CDH18: variants seen among roughly 807,000 people sequenced by gnomAD.
CDH18 encodes the protein cadherin 18.
In CDH18, 31 loss-of-function variants were observed where a neutral mutation model predicts 67.9. The ratio of observed to expected loss-of-function variants is 0.46; its 90% CI spans 0.34 to 0.62. CDH18 has a LOEUF of 0.62. Among genes scored for constraint, CDH18 ranks in the 20% least tolerant of loss-of-function variants. The pLI, the probability that CDH18 is intolerant of heterozygous loss-of-function variation, is 0.01. For missense variants in CDH18, 890 were observed against 975.5 expected (o/e 0.91, Z 1.17); for synonymous variants, 362 against 347.2 (o/e 1.04, Z -0.48).
intron 1 of CDH18, among the ~76,000 whole-genome samples, chr5:20,472,399 T>C (rs980050770): frequency 6.6e-6 from 1 of 152,196 alleles, no homozygotes; most frequent in Non-Finnish European, 1.5e-5. Context: ...TTATGGACTT[T>C]GGGACAATGT....
intron 2 of CDH18, among the ~76,000 whole-genome samples, chr5:19,950,428 C>A (rs1795681918): frequency 6.6e-6 from 1 of 152,028 alleles, no homozygotes; most frequent in African/African-American, 2.4e-5. Flanking sequence ...GTGTACACTG[C>A]TCAGGTGATG....
intron 2 of CDH18, among the ~76,000 whole-genome samples, chr5:19,979,264 T>C (rs1250891559): frequency 6.6e-6 from 1 of 151,544 alleles, no homozygotes; most frequent in African/African-American, 2.4e-5. Context: ...AGAGTGTGTC[T>C]TGGGATAGTT....
intron 8 of CDH18, among the ~76,000 whole-genome samples, chr5:19,548,050 T>G (rs761285271): frequency 6.6e-6 from 1 of 152,136 alleles, no homozygotes; most frequent in Non-Finnish European, 1.5e-5. Flanking sequence ...AATCAAACCA[T>G]TAAAAAGAGA....
At chr5:19,863,366 T>A (rs1785105621) in intron 2 of CDH18, among the ~76,000 whole-genome samples, 1 of 152,140 alleles carries the variant, frequency 6.6e-6, no homozygotes, top group Admixed American at 6.5e-5. Context: ...AGTGGGGAAG[T>A]CAGTGTCCCT....
At chr5:20,172,190 G>GTC (rs1342353318) in intron 2 of CDH18, among the ~76,000 whole-genome samples, 1 of 23,318 alleles carries the variant, frequency 4.3e-5, no homozygotes, top group Non-Finnish European at 7.5e-5. Context: ...AGCATTGTGT[G>GTC]TATATATATA....
chr5:20,106,378 C>T (rs1746938584), intron 2 of CDH18, among the ~76,000 whole-genome samples: 1 of 152,192 alleles, frequency 6.6e-6, no homozygotes, highest in Admixed American at 6.5e-5. Context: ...AATCACTTCA[C>T]TGATTTATTT....
intron 8 of CDH18, among the ~76,000 whole-genome samples, chr5:19,569,984 A>C (rs1741100785): frequency 6.6e-6 from 1 of 152,186 alleles, no homozygotes; most frequent in African/African-American, 2.4e-5. Flanking sequence ...CACCTTTAAA[A>C]AAATATTGTC....
At chr5:19,639,509 A>T (rs550432239) in intron 5 of CDH18, among the ~76,000 whole-genome samples, 105 of 152,290 alleles carry the variant, frequency 6.9e-4, no homozygotes, top group African/African-American at 2.3e-3. Context: ...TCTTTTGAGA[A>T]AAGGAACTGA....
Position 20,218,346 on chromosome 5 carries a change from G to A in CDH18, c.-518+37098C>T, listed in dbSNP as rs529846734. Reference sequence around the variant, plus strand: ...TTTCTCCACAATAGAATATAACTAGGAATCAATAAAATGAGGAATTTTGGA... The same window carrying A: ...TTTCTCCACAATAGAATATAACTAGAAATCAATAAAATGAGGAATTTTGGA... On this transcript the variant is annotated intron_variant, in intron 2 of 14. Coordinates refer to the CDH18 transcript ENST00000507958. Among the ~76,000 whole-genome samples the A allele has an allele frequency of 2.6e-5, 4 of 151,818 alleles. No homozygotes were observed. The South Asian group carries it at 6.3e-4, about 24-fold the overall frequency.
intron 1 of CDH18, among the ~76,000 whole-genome samples, chr5:20,548,896 G>A (rs1410461573): frequency 3.9e-5 from 6 of 152,146 alleles, no homozygotes. Flanking sequence ...AAAGAGAGAA[G>A]TTGGCAAATA....
In CDH18 at chr5:20,244,504, A is replaced by G. The variant is rs530439458; in HGVS notation, c.-518+10940T>C. Among the ~76,000 whole-genome samples, 3 of 152,214 alleles carry G rather than the reference A, an allele frequency of 2.0e-5. No homozygotes were observed. In the East Asian group the frequency reaches 5.8e-4, roughly 29 times the overall value. On this transcript the variant is annotated intron_variant, in intron 2 of 14. Coordinates refer to the CDH18 transcript ENST00000507958. The stretch of plus-strand genomic sequence containing the variant: ...ATTGCAACAGTAGAAAAGAACAACC[A>G]AATATATTTGAACAAACCCTCCTCT...
intron 2 of CDH18, among the ~76,000 whole-genome samples, chr5:19,948,229 G>T (rs192389669): frequency 6.6e-6 from 1 of 152,016 alleles, no homozygotes; most frequent in Non-Finnish European, 1.5e-5. Flanking sequence ...CTTATAAATA[G>T]ACTTATCGCA....
chr5:20,354,823 C>T (rs1318100518), intron 1 of CDH18, among the ~76,000 whole-genome samples: 1 of 152,078 alleles, frequency 6.6e-6, no homozygotes, highest in Admixed American at 6.6e-5. Context: ...GAGTTGGTAA[C>T]CATGACAATA....
chr5:20,145,710 C>T (rs1396931233), intron 2 of CDH18, among the ~76,000 whole-genome samples: 3 of 152,156 alleles, frequency 2.0e-5, no homozygotes, highest in Non-Finnish European at 1.5e-5. Context: ...CTAACCTCTC[C>T]CTGGTGCAAA....
chr5:20,213,061 T>C (rs1278326568), intron 2 of CDH18, among the ~76,000 whole-genome samples: 2 of 152,172 alleles, frequency 1.3e-5, no homozygotes, highest in Non-Finnish European at 2.9e-5. Context: ...TGTTTCAACA[T>C]GTGTGTGATT....
rs533439492 is a variant in CDH18 at position 20,149,026 on chromosome 5, A to T, written c.-518+106418T>A. 2.6e-5 allele frequency among the ~76,000 whole-genome samples: 4 copies of T among 152,238 alleles called. No homozygotes were observed. The East Asian group carries it at 5.8e-4, about 22-fold the overall frequency. On this transcript the variant is annotated intron_variant, in intron 2 of 14. Transcript: ENST00000507958. Reference sequence around the variant, plus strand: ...AATCTAGTTGCTATTTGGACAGCTAATCTCCTGCATTAAATTGATGCTAAG... The same window carrying T: ...AATCTAGTTGCTATTTGGACAGCTATTCTCCTGCATTAAATTGATGCTAAG...
chr5:20,248,744 A>G (rs1743578362), intron 2 of CDH18, among the ~76,000 whole-genome samples: 1 of 152,228 alleles, frequency 6.6e-6, no homozygotes, highest in Non-Finnish European at 1.5e-5. Flanking sequence ...AAATACAAGC[A>G]TAAGCGAACG....
At chr5:19,989,125 C>T (rs115708602), upstream of CDH18, among the ~76,000 whole-genome samples, 1,105 of 152,284 alleles carry the variant, frequency 7.3e-3, 14 homozygotes, top group African/African-American at 0.026. Context: ...TTTCTCCCCG[C>T]ACGAAGTCAC....
intron 5 of CDH18, among the ~76,000 whole-genome samples, chr5:19,694,040 C>T (rs545682871): frequency 6.6e-6 from 1 of 152,118 alleles, no homozygotes; most frequent in Non-Finnish European, 1.5e-5. Context: ...CTCTTTTGTA[C>T]ATTTGATATC....
Sources: gnomAD v4.1 joint callset for allele counts (sites outside exome capture counted in the v4.1 genomes callset) on GRCh38, gnomAD v4.1.1 for gene constraint, MANE v1.5 for transcripts, NCBI Gene and HGNC (gene_info 2026-07-23, HGNC 2026-07-21) for gene names.